The following TRIM66 variants were observed in gnomAD, a reference collection of about 807,000 sequenced individuals.
TRIM66 encodes the protein tripartite motif-containing protein 66.
A neutral mutation model predicts 148.2 loss-of-function variants in TRIM66; 99 were observed. That is an observed-to-expected ratio of 0.67 (90% confidence interval 0.57 to 0.79). The LOEUF (loss-of-function observed/expected upper bound fraction) is 0.79, where lower values mean the gene tolerates loss of function less well. TRIM66 is among the 30% of genes least tolerant of loss of function. The pLI is 0.00. For synonymous variants in TRIM66, 616 were observed against 635.9 expected, an observed-to-expected ratio of 0.97 and a Z score of 0.47; for missense variants, 1,666 against 1,697.9, an observed-to-expected ratio of 0.98 and a Z score of 0.33.
intron 13 of TRIM66, 73 bp from the exon 14 acceptor site, chr11:8,641,225 G>A: frequency 2.2e-6 from 3 of 1,344,046 alleles, no homozygotes; most frequent in Non-Finnish European, 3.0e-6. Flanking sequence ...CTGCTCCTGG[G>A]ACAAAAGAAC....
chr11:8,617,839 A>T lies in TRIM66; in HGVS notation c.*105T>A, dbSNP rs1329968497. 9.1e-7 allele frequency: 1 copy of T among 1,102,000 alleles called. No homozygotes were observed. Among genetic ancestry groups the T allele is most frequent in the African/African-American group, 1.6e-5 (1 of 63,968 alleles). 68.3% of individuals were successfully genotyped at this position (1,102,000 alleles called of 1,614,324 possible). A position where few individuals can be genotyped will look rare whatever the true frequency, so the allele number is the denominator to read the frequency against. ...GAAGAGCACTACACAGTTCAACAAG[A>T]CTCATCTACCATCCACACTCTGAAG... On this transcript the variant is annotated 3_prime_UTR_variant, in exon 25 of 25. Transcript: ENST00000646038.
At chr11:8,646,625 C>G (rs558644470) in intron 10 of TRIM66, 64 bp from the exon 11 acceptor site, 1 of 1,357,500 alleles carries the variant, frequency 7.4e-7, no homozygotes, top group South Asian at 1.2e-5. Context: ...GACGAAGAGA[C>G]AGCAAACATA....
In TRIM66 at chr11:8,624,384, A is replaced by T. The variant is rs1195079814; in HGVS notation, c.2994T>A (p.Ala998=). The T allele has an allele frequency of 6.4e-7, 1 of 1,551,172 alleles. No individual in the cohort carries two copies. Among genetic ancestry groups the T allele is most frequent in the South Asian group, 1.2e-5 (1 of 83,908 alleles). ...PLAPVVSTST[A]LQQYQNPKEC... The stretch of plus-strand genomic sequence containing the variant: ...CTTTTGGGTTCTGGTACTGCTGCAG[A>T]GCTGTAGACGTGCTGACCACTGGCG... The change falls in exon 17 of 25, where the codon GCT becomes GCA. Residue 998 remains alanine (A), a synonymous_variant. Coordinates refer to ENST00000646038, the MANE Select transcript of TRIM66 (RefSeq NM_001388022.1).
intron 15 of TRIM66, among the ~76,000 whole-genome samples, chr11:8,635,514 G>A (rs1394936396): frequency 6.6e-6 from 1 of 152,100 alleles, no homozygotes; most frequent in Non-Finnish European, 1.5e-5. Flanking sequence ...GTAGTTTTGT[G>A]GACAACCAGT....
intron 6 of TRIM66, among the ~76,000 whole-genome samples, chr11:8,665,926 G>T (rs1009983522): frequency 6.6e-6 from 1 of 152,100 alleles, no homozygotes; most frequent in East Asian, 1.9e-4. Flanking sequence ...TCCAGCCTGG[G>T]TGACAGAGTG....
intron 3 of TRIM66, chr11:8,678,119 C>CA (rs1037216010): frequency 6.6e-6 from 1 of 152,104 alleles, no homozygotes; most frequent in African/African-American, 2.4e-5. Context: ...AAATGAATCA[C>CA]AAAAATGTTC....
intron 15 of TRIM66, among the ~76,000 whole-genome samples, chr11:8,632,349 G>C (rs1035954872): frequency 6.6e-6 from 1 of 151,476 alleles, no homozygotes; most frequent in Admixed American, 6.6e-5. Flanking sequence ...TGCTTCAACA[G>C]CTTCAAGATT....
intron 15 of TRIM66, among the ~76,000 whole-genome samples, chr11:8,632,616 C>T (rs947046235): frequency 6.6e-6 from 1 of 151,982 alleles, no homozygotes; most frequent in Non-Finnish European, 1.5e-5. Context: ...CACCACCATG[C>T]CCAGCTAATT....
At chr11:8,652,854 A>T (rs2037480672) in intron 6 of TRIM66, among the ~76,000 whole-genome samples, 1 of 152,258 alleles carries the variant, frequency 6.6e-6, no homozygotes, top group African/African-American at 2.4e-5. Context: ...ATATGATGGC[A>T]GTTGCTCCAG....
chr11:8,648,807 G>A (rs895720679), intron 8 of TRIM66, among the ~76,000 whole-genome samples: 5 of 152,324 alleles, frequency 3.3e-5, no homozygotes, highest in East Asian at 1.9e-4. Context: ...TGAGGAAGGC[G>A]CTTGCTACTA....
rs1289416934 is a variant in TRIM66, at chr11:8,641,113, T to A, written c.1262A>T (p.Asp421Val). The A allele has an allele frequency of 1.9e-6, 3 of 1,551,576 alleles. No individual in the cohort carries two copies. The highest frequency in any genetic ancestry group is 1.7e-6 in the Non-Finnish European group (2 of 1,146,978). Residue 421 changes from aspartate (D) to valine (V), a missense_variant, in exon 14 of 25, where the codon GAT (aspartate) becomes GTT (valine). Physicochemically the swap from Asp to Val is radical, Grantham distance 152. Around this residue, in one of 3 missense-constraint regions of TRIM66, gnomAD observed 1,431 missense variants for 1,412.4 expected, o/e 1.01. Coordinates refer to ENST00000646038, the MANE Select transcript of TRIM66 (RefSeq NM_001388022.1). The stretch of plus-strand genomic sequence containing the variant: ...CTGTAAGCCTCCATAAGCAGGAGCA[T>A]CTGCCCTGGACATTTGTCCACCTTC... The part of the protein sequence containing the change: ...TTEGGQMSRA[D>V]APAYGGLQGS...
At chr11:8,619,126 T>C in intron 23 of TRIM66, 158 bp from the exon 24 acceptor site, 3 of 759,288 alleles carry the variant, frequency 4.0e-6, no homozygotes, top group Non-Finnish European at 4.2e-6. Flanking sequence ...ACTAGTTTGG[T>C]AGCAGCTCTT....
In TRIM66 at chr11:8,624,524, T is replaced by A; in HGVS notation, c.2854A>T (p.Thr952Ser). Residue 952 changes from threonine (T) to serine (S), a missense_variant, in exon 17 of 25, where the codon ACT becomes TCT. By Grantham distance (58) the Thr-to-Ser change is moderately conservative. Transcript: ENST00000646038. ...KMESEDSTRF[T>S]DLLGQGPIVP... Reference sequence around the variant, plus strand: ...ATGGGACCTTGTCCCAGTAAGTCAGTGAAGCGAGTGGAATCCTCACTTTCC... The same window carrying A: ...ATGGGACCTTGTCCCAGTAAGTCAGAGAAGCGAGTGGAATCCTCACTTTCC... 6.5e-7 allele frequency: 1 copy of A among 1,534,882 alleles called. No individual in the cohort carries two copies. Among genetic ancestry groups the A allele is most frequent in the Admixed American group, 2.2e-5 (1 of 45,220 alleles).
At chr11:8,659,041 A>G (rs2038066760) in intron 6 of TRIM66, among the ~76,000 whole-genome samples, 1 of 151,816 alleles carries the variant, frequency 6.6e-6, no homozygotes, top group Non-Finnish European at 1.5e-5. Flanking sequence ...AGTCACACAC[A>G]AGCAGGGAGG....
intron 6 of TRIM66, among the ~76,000 whole-genome samples, chr11:8,661,048 C>G (rs1349151309): frequency 6.6e-6 from 1 of 152,072 alleles, no homozygotes; most frequent in Non-Finnish European, 1.5e-5. Context: ...GAAGTGTAGT[C>G]CCGGAGTCAG....
At chr11:8,646,703 C>A (rs867360748) in intron 10 of TRIM66, 142 bp from the exon 11 acceptor site, 9 of 640,774 alleles carry the variant, frequency 1.4e-5, no homozygotes, top group South Asian at 3.9e-5. Flanking sequence ...AAAAAGAGAG[C>A]CTTCCTCCAC....
intron 22 of TRIM66, 38 bp downstream of exon 22, chr11:8,620,011 TG>T: frequency 9.8e-6 from 15 of 1,530,412 alleles, no homozygotes; most frequent in Non-Finnish European, 1.3e-5. Flanking sequence ...CAAATCCACA[TG>T]CAAGGAGAAG....
At chr11:8,659,488 T>G (rs532831319) in intron 6 of TRIM66, among the ~76,000 whole-genome samples, 2 of 152,290 alleles carry the variant, frequency 1.3e-5, no homozygotes, top group African/African-American at 2.4e-5. Context: ...GGGGCTGTCA[T>G]GAACAGAGGT....
intron 6 of TRIM66, among the ~76,000 whole-genome samples, chr11:8,667,327 C>A (rs1391568697): frequency 6.6e-6 from 1 of 152,088 alleles, no homozygotes; most frequent in South Asian, 2.1e-4. Flanking sequence ...AAAGCACAGA[C>A]AACAACAACA....
Sources: allele counts gnomAD v4.1 joint callset (sites outside exome capture counted in the v4.1 genomes callset), GRCh38; gene constraint gnomAD v4.1.1; regional missense constraint gnomAD v4.1.1; transcripts MANE v1.5; gene names NCBI Gene and HGNC (gene_info 2026-07-23, HGNC 2026-07-21).